GPHN: variants seen among roughly 807,000 people sequenced by gnomAD.
GPHN encodes the protein gephyrin.
In GPHN, 17 loss-of-function variants were observed where a neutral mutation model predicts 95.5. The observed-to-expected ratio is 0.18, with a 90% confidence interval of 0.12 to 0.27. GPHN has a LOEUF of 0.27. Among genes scored for constraint, GPHN ranks in the 10% least tolerant of loss-of-function variants. GPHN has a pLI of 1.00. For synonymous variants in GPHN, 320 were observed against 322.5 expected (o/e 0.99, Z 0.08); for missense variants, 660 against 978.1 (o/e 0.67, Z 4.34).
the GPHN span, among the ~76,000 whole-genome samples, chr14:67,230,118 T>C: frequency 6.6e-6 from 1 of 152,230 alleles, no homozygotes; most frequent in East Asian, 1.9e-4. Context: ...ACTTTTACTT[T>C]TGTTCACTTG....
the GPHN span, among the ~76,000 whole-genome samples, chr14:67,525,787 A>G: frequency 1.3e-4 from 20 of 152,356 alleles, 1 homozygote; most frequent in Admixed American, 8.5e-4. Context: ...TTGCCTCCCA[A>G]AAGAACCATG....
chr14:66,788,707 A>T (rs533300660), intron 3 of GPHN, among the ~76,000 whole-genome samples: 1 of 152,198 alleles, frequency 6.6e-6, no homozygotes, highest in Non-Finnish European at 1.5e-5. Flanking sequence ...CCCAGGCTGG[A>T]GTGAAATGGT....
chr14:66,651,801 G>A (rs1176886267), intron 1 of GPHN, among the ~76,000 whole-genome samples: 1 of 151,680 alleles, frequency 6.6e-6, no homozygotes, highest in African/African-American at 2.4e-5. Context: ...CTGAATATAA[G>A]CAACACATTT....
chr14:66,514,756 C>G (rs2058173698), intron 1 of GPHN, among the ~76,000 whole-genome samples: 1 of 152,058 alleles, frequency 6.6e-6, no homozygotes, highest in South Asian at 2.1e-4. Flanking sequence ...GTTTCAGACA[C>G]AGCTCAGGAC....
intron 8 of GPHN, among the ~76,000 whole-genome samples, chr14:66,936,831 G>A (rs1430589704): frequency 6.6e-6 from 1 of 152,212 alleles, no homozygotes; most frequent in Non-Finnish European, 1.5e-5. Flanking sequence ...CCAATGAGTA[G>A]TTGCTCCTGA....
chr14:66,586,361 T>C (rs2061419624), intron 1 of GPHN, among the ~76,000 whole-genome samples: 1 of 152,224 alleles, frequency 6.6e-6, no homozygotes, highest in Admixed American at 6.5e-5. Flanking sequence ...TCTGTGTCTT[T>C]TAATTGGAGC....
intron 5 of GPHN, among the ~76,000 whole-genome samples, chr14:66,899,431 C>G (rs964088500): frequency 4.0e-5 from 6 of 151,842 alleles, no homozygotes; most frequent in African/African-American, 1.2e-4. Flanking sequence ...TTAAAGAAGT[C>G]CATCCCTTAA....
chr14:66,965,395 C>A, intron 9 of GPHN, 70 bp downstream of exon 9: 14 of 1,364,866 alleles, frequency 1.0e-5, no homozygotes, highest in African/African-American at 1.4e-5. Flanking sequence ...CCAATATTTC[C>A]TCCTGCTTGT....
the GPHN span, chr14:67,645,819 G>A: frequency 2.5e-5 from 41 of 1,612,164 alleles, no homozygotes; most frequent in African/African-American, 1.3e-4. Context: ...GGGCCAAAAC[G>A]AAAAGAAAGG....
chr14:67,338,870 A>T, the GPHN span: 1 of 880,132 alleles, frequency 1.1e-6, no homozygotes, highest in Non-Finnish European at 1.6e-6. Flanking sequence ...CCTAGAAAAA[A>T]ACCTGGTACT....
chr14:66,706,350 G>C (rs975404711), intron 2 of GPHN, among the ~76,000 whole-genome samples: 2 of 152,074 alleles, frequency 1.3e-5, no homozygotes, highest in Admixed American at 1.3e-4. Flanking sequence ...ATCCCATATA[G>C]CCAAGACAAT....
At chr14:67,498,252 A>T in the GPHN span, among the ~76,000 whole-genome samples, 1 of 152,158 alleles carries the variant, frequency 6.6e-6, no homozygotes, top group Non-Finnish European at 1.5e-5. Context: ...CTGGTTTGCC[A>T]AGACGTTCTA....
chr14:67,332,588 T>C, the GPHN span, among the ~76,000 whole-genome samples: 2 of 152,160 alleles, frequency 1.3e-5, no homozygotes, highest in Non-Finnish European at 2.9e-5. Context: ...TGGTTCATAA[T>C]ATGAGTCGTG....
At chr14:66,540,106 T>G (rs1455244717) in intron 1 of GPHN, among the ~76,000 whole-genome samples, 1 of 152,230 alleles carries the variant, frequency 6.6e-6, no homozygotes, top group Non-Finnish European at 1.5e-5. Flanking sequence ...AATTGCTTAT[T>G]TTTGCTCTTG....
intron 17 of GPHN, among the ~76,000 whole-genome samples, chr14:67,139,618 A>G (rs2080328939): frequency 6.6e-6 from 1 of 152,196 alleles, no homozygotes; most frequent in Non-Finnish European, 1.5e-5. Flanking sequence ...TTTTCTTAAA[A>G]TGAGCATAGT....
At chr14:67,577,276 G>C in the GPHN span, 2 of 1,470,490 alleles carry the variant, frequency 1.4e-6, no homozygotes, top group Admixed American at 3.9e-5. Context: ...AACTGCCCTT[G>C]CTCTCTGGTT....
chr14:67,177,026 A>G (rs1464008983), intron 21 of GPHN, among the ~76,000 whole-genome samples: 1 of 152,186 alleles, frequency 6.6e-6, no homozygotes, highest in Non-Finnish European at 1.5e-5. Context: ...TCAAAAAACC[A>G]GCTCCTGGAT....
At chr14:67,165,110 A>G (rs1021251721) in intron 19 of GPHN, 52 bp from the exon 20 acceptor site, 26 of 1,169,932 alleles carry the variant, frequency 2.2e-5, no homozygotes, top group Non-Finnish European at 3.1e-5. Context: ...TACTTAATGT[A>G]TTCATCATAT....
At chr14:67,395,438 C>A in the GPHN span, 1 of 1,614,012 alleles carries the variant, frequency 6.2e-7, no homozygotes, top group Non-Finnish European at 8.5e-7. Context: ...GAAGGAGTTT[C>A]TCAGGCTGTG....
Sources: gnomAD v4.1 joint callset for allele counts (sites outside exome capture counted in the v4.1 genomes callset) on GRCh38, gnomAD v4.1.1 for gene constraint, MANE v1.5 for transcripts, NCBI Gene and HGNC (gene_info 2026-07-23, HGNC 2026-07-21) for gene names.